SPOCK3: variants seen among roughly 807,000 people sequenced by gnomAD.
The protein encoded by SPOCK3 is SPARC (osteonectin), cwcv and kazal like domains proteoglycan 3.
In SPOCK3, 30 loss-of-function variants were observed where a neutral mutation model predicts 56.6. That is an observed-to-expected ratio of 0.53 (90% CI 0.40 to 0.72). The LOEUF is 0.72. Ranked by LOEUF, SPOCK3 falls within the 30% of genes least tolerant of loss-of-function variation. The probability of loss-of-function intolerance (pLI) is 0.00; values close to 1 mark genes in which losing one functional copy is unlikely to be tolerated. For synonymous variants in SPOCK3, 196 were observed against 183.3 expected (o/e 1.07, Z -0.56); for missense variants, 527 against 530.0 (o/e 0.99, Z 0.06).
At chr4:166,989,202 C>T (rs1318142644) in intron 4 of SPOCK3, among the ~76,000 whole-genome samples, 1 of 152,008 alleles carries the variant, frequency 6.6e-6, no homozygotes, top group African/African-American at 2.4e-5. Flanking sequence ...ACTGACTTGT[C>T]CAGAGTCACA....
At chr4:167,047,763 G>A (rs1242355946) in intron 3 of SPOCK3, among the ~76,000 whole-genome samples, 2 of 152,112 alleles carry the variant, frequency 1.3e-5, no homozygotes, top group Non-Finnish European at 2.9e-5. Flanking sequence ...AATATGTTAA[G>A]TAACCCTAGT....
intron 4 of SPOCK3, among the ~76,000 whole-genome samples, chr4:166,941,613 G>A (rs1394000365): frequency 6.6e-6 from 1 of 152,146 alleles, no homozygotes; most frequent in Non-Finnish European, 1.5e-5. Flanking sequence ...CCCCTTGAGT[G>A]TGAGCTAAAC....
chr4:166,935,328 G>C (rs779460496), intron 4 of SPOCK3, among the ~76,000 whole-genome samples: 1 of 152,130 alleles, frequency 6.6e-6, no homozygotes. Flanking sequence ...CTCCAAGCTC[G>C]ATGTTCTTCT....
chr4:167,072,052 G>A (rs1756737937), intron 2 of SPOCK3, among the ~76,000 whole-genome samples: 1 of 151,968 alleles, frequency 6.6e-6, no homozygotes, highest in Admixed American at 6.6e-5. Context: ...CACTCACCCT[G>A]TACCAGGAAC....
chr4:167,050,961 T>C lies in SPOCK3; in HGVS notation c.235+11531A>G, dbSNP rs141889829. On this transcript the variant is annotated intron_variant, in intron 3 of 10. Transcript: ENST00000357545. ...CAGTTCATACCCAATAAACTGAAGA[T>C]AGTCATTAATGGGAAGATGAAAAGA... Among the ~76,000 whole-genome samples, 25 of 152,240 alleles carry C rather than the reference T, an allele frequency of 1.6e-4. No homozygotes were observed. In the East Asian group the frequency reaches 4.4e-3, roughly 27 times the overall value.
intron 5 of SPOCK3, among the ~76,000 whole-genome samples, chr4:166,892,989 G>A (rs913088449): frequency 1.3e-5 from 2 of 151,992 alleles, no homozygotes; most frequent in African/African-American, 4.8e-5. Context: ...TTAAAGCAGA[G>A]GTTTTCAGCT....
intron 6 of SPOCK3, among the ~76,000 whole-genome samples, chr4:166,830,878 T>C (rs1172579924): frequency 6.6e-6 from 1 of 152,214 alleles, no homozygotes; most frequent in Non-Finnish European, 1.5e-5. Flanking sequence ...AGGAAGAAAC[T>C]ATTTAATTCT....
intron 6 of SPOCK3, among the ~76,000 whole-genome samples, chr4:166,827,158 AGC>A (rs1231831579): frequency 2.0e-5 from 3 of 152,086 alleles, no homozygotes; most frequent in African/African-American, 7.2e-5. Flanking sequence ...TGGAGCGTAT[AGC>A]CTGAAAATTA....
intron 6 of SPOCK3, among the ~76,000 whole-genome samples, chr4:166,879,280 G>A (rs1244818111): frequency 1.3e-5 from 2 of 152,058 alleles, no homozygotes; most frequent in Non-Finnish European, 2.9e-5. Context: ...TGTAATCCCA[G>A]CGCTTTGGGA....
At chr4:167,130,391 A>G (rs1375116213) in intron 2 of SPOCK3, among the ~76,000 whole-genome samples, 1 of 152,172 alleles carries the variant, frequency 6.6e-6, no homozygotes, top group Non-Finnish European at 1.5e-5. Context: ...TTACATAACT[A>G]GTGGGTAATA....
intron 3 of SPOCK3, among the ~76,000 whole-genome samples, chr4:167,039,485 C>T (rs1215078511): frequency 3.3e-5 from 5 of 151,888 alleles, no homozygotes; most frequent in Admixed American, 6.6e-5. Flanking sequence ...ACAACTAGCA[C>T]ATTATATATG....
chr4:167,075,746 A>G (rs1187846937), intron 2 of SPOCK3, among the ~76,000 whole-genome samples: 1 of 151,924 alleles, frequency 6.6e-6, no homozygotes, highest in East Asian at 1.9e-4. Context: ...GGATCAAGAA[A>G]TCTTCCCACC....
At chr4:166,766,353 A>G (rs1271637439) in intron 7 of SPOCK3, among the ~76,000 whole-genome samples, 1 of 152,174 alleles carries the variant, frequency 6.6e-6, no homozygotes, top group East Asian at 1.9e-4. Context: ...ATATTTTGAG[A>G]TACATCCCAT....
At chr4:167,092,409 C>T (rs1758782354) in intron 2 of SPOCK3, among the ~76,000 whole-genome samples, 1 of 152,118 alleles carries the variant, frequency 6.6e-6, no homozygotes. Flanking sequence ...TCACACGCTC[C>T]TGGCAAGCAT....
At chr4:166,843,117 G>C (rs1471137317) in intron 6 of SPOCK3, among the ~76,000 whole-genome samples, 1 of 152,292 alleles carries the variant, frequency 6.6e-6, no homozygotes, top group South Asian at 2.1e-4. Context: ...TGAGTGCGGG[G>C]CCCGCCAAGC....
At chr4:167,073,009 T>G (rs1484504733) in intron 2 of SPOCK3, among the ~76,000 whole-genome samples, 1 of 151,748 alleles carries the variant, frequency 6.6e-6, no homozygotes, top group Admixed American at 6.6e-5. Context: ...TTAAGCAAAA[T>G]AACAATACCA....
chr4:166,913,547 A>G (rs1350465731), intron 4 of SPOCK3, among the ~76,000 whole-genome samples: 3 of 152,204 alleles, frequency 2.0e-5, no homozygotes, highest in Admixed American at 6.5e-5. Context: ...CTGCTTATGG[A>G]GAGAGTAATT....
intron 3 of SPOCK3, among the ~76,000 whole-genome samples, chr4:167,045,270 C>G (rs998306759): frequency 6.6e-6 from 1 of 151,984 alleles, no homozygotes; most frequent in African/African-American, 2.4e-5. Context: ...CACTTTTAAT[C>G]TATACGTAGC....
At chr4:166,774,476 G>A (rs1371244423) in intron 7 of SPOCK3, among the ~76,000 whole-genome samples, 5 of 152,124 alleles carry the variant, frequency 3.3e-5, no homozygotes, top group Admixed American at 6.6e-5. Flanking sequence ...CTGGATATCT[G>A]TGATCCATGT....
Sources: allele counts gnomAD v4.1 joint callset (sites outside exome capture counted in the v4.1 genomes callset), GRCh38; gene constraint gnomAD v4.1.1; transcripts MANE v1.5; gene names NCBI Gene and HGNC (gene_info 2026-07-23, HGNC 2026-07-21).